The following TP63 variants were observed in gnomAD, a reference collection of about 807,000 sequenced individuals.
The protein encoded by TP63 is tumor protein p63, also known as tumor protein 63.
In TP63, 17 loss-of-function variants were observed where a neutral mutation model predicts 82.8. That is an observed-to-expected ratio of 0.21 (90% CI 0.14 to 0.31). TP63 has a LOEUF of 0.31. Among genes scored for constraint, TP63 ranks in the 10% least tolerant of loss-of-function variants. TP63 has a pLI of 1.00. For missense variants in TP63, 648 were observed against 895.3 expected, an observed-to-expected ratio of 0.72 and a Z score of 3.52; for synonymous variants, 330 against 321.7, an observed-to-expected ratio of 1.03 and a Z score of -0.28.
At chr3:189,798,993 G>T (rs1015990930) in intron 3 of TP63, among the ~76,000 whole-genome samples, 8 of 151,948 alleles carry the variant, frequency 5.3e-5, no homozygotes, top group Admixed American at 3.9e-4. Flanking sequence ...GTAGCAATCA[G>T]CAAAGAATTT....
intron 4 of TP63, among the ~76,000 whole-genome samples, chr3:189,835,915 AAATAATAATAATAAT>A (rs71711373): frequency 0.18 from 24,308 of 136,662 alleles, 2,620 homozygotes; most frequent in Non-Finnish European, 0.24. Flanking sequence ...CTCCATCTCA[AAATAATAATAATAAT>A]AATAATAATA....
intron 1 of TP63, among the ~76,000 whole-genome samples, chr3:189,686,298 C>T (rs1458126507): frequency 6.6e-6 from 1 of 152,096 alleles, no homozygotes; most frequent in Non-Finnish European, 1.5e-5. Flanking sequence ...TGCAGTTTCT[C>T]CTCCTTCATA....
chr3:189,673,535 CAAAT>C (rs1253758349), intron 1 of TP63, among the ~76,000 whole-genome samples: 5 of 151,952 alleles, frequency 3.3e-5, no homozygotes, highest in Non-Finnish European at 5.9e-5. Context: ...TAAATACAAA[CAAAT>C]GAATTTTATT....
intron 1 of TP63, among the ~76,000 whole-genome samples, chr3:189,715,946 T>A (rs1290812310): frequency 6.6e-6 from 1 of 152,186 alleles, no homozygotes; most frequent in Non-Finnish European, 1.5e-5. Context: ...TTCAACCACT[T>A]TAGCTTAGAT....
chr3:189,614,332 G>T, the TP63 span, among the ~76,000 whole-genome samples: 1 of 152,100 alleles, frequency 6.6e-6, no homozygotes, highest in African/African-American at 2.4e-5. Flanking sequence ...TTCTCTTGCT[G>T]CCACCATGTA....
intron 1 of TP63, among the ~76,000 whole-genome samples, chr3:189,703,427 A>AATAG (rs58784734): frequency 0.026 from 3,720 of 143,220 alleles, 70 homozygotes; most frequent in South Asian, 0.057. Flanking sequence ...CCCTGTCTAA[A>AATAG]ATAGATAGAT....
Position 189,844,233 on chromosome 3 carries a change from A to G in TP63, c.580-19999A>G, listed in dbSNP as rs144456775. ...GTCTCCCAGGCTGGAGTGCAATGGC[A>G]TGATCTCAGCTCACTGCAACCTCCA... On this transcript the variant is annotated intron_variant, in intron 4 of 13. Transcript: ENST00000264731. The G allele has an allele frequency of 7.0e-3, 2,870 of 410,958 alleles. 87 individuals are homozygous for G. The highest frequency in any genetic ancestry group is 0.056 in the African/African-American group (2,656 of 47,692). The allele number at this position is 410,958 out of a possible 1,614,324, so 25.5% of individuals were successfully genotyped here. A position where few individuals can be genotyped will look rare whatever the true frequency, so the allele number is the denominator to read the frequency against.
intron 4 of TP63, among the ~76,000 whole-genome samples, chr3:189,825,638 T>C (rs1233425391): frequency 2.0e-5 from 3 of 152,206 alleles, no homozygotes; most frequent in African/African-American, 7.2e-5. Context: ...TTAAACAACA[T>C]GATTTTTAAT....
At chr3:189,853,037 A>G (rs1318579364) in intron 4 of TP63, among the ~76,000 whole-genome samples, 1 of 152,176 alleles carries the variant, frequency 6.6e-6, no homozygotes, top group Admixed American at 6.5e-5. Flanking sequence ...CACTACCTCT[A>G]TGAAAATTGT....
chr3:189,763,099 C>T lies in TP63; in HGVS notation c.324+24325C>T, dbSNP rs71308976. 4.3e-3 allele frequency among the ~76,000 whole-genome samples: 655 copies of T among 152,140 alleles called. 1 individual carries two copies. The highest frequency in any genetic ancestry group is 6.3e-3 in the Non-Finnish European group (427 of 67,986). ...CAGCCAGGGTAACCTAGTGAGACCC[C>T]TGTCTCTATAAACAAAATTTAAAAA... is the stretch of plus-strand genomic sequence containing the variant. On this transcript the variant is annotated intron_variant, in intron 3 of 13. Coordinates refer to ENST00000264731, the MANE Select transcript of TP63 (RefSeq NM_003722.5).
At chr3:189,718,887 A>G (rs1218849105) in intron 1 of TP63, among the ~76,000 whole-genome samples, 2 of 152,196 alleles carry the variant, frequency 1.3e-5, no homozygotes, top group Non-Finnish European at 1.5e-5. Flanking sequence ...CAAAAAAACA[A>G]TGTAGCCTAT....
chr3:189,650,942 A>G (rs1440187607), intron 1 of TP63, among the ~76,000 whole-genome samples: 1 of 147,040 alleles, frequency 6.8e-6, no homozygotes, highest in Non-Finnish European at 1.5e-5. Flanking sequence ...AAGGTTTGGA[A>G]CTTTCTGGAG....
chr3:189,890,738 G>A, intron 12 of TP63, 51 bp from the exon 13 acceptor site: 1 of 1,564,200 alleles, frequency 6.4e-7, no homozygotes, highest in Non-Finnish European at 8.8e-7. Flanking sequence ...TGCAGTTGGG[G>A]TGAACTTTCT....
At chr3:189,636,314 C>T (rs549383817) in intron 1 of TP63, among the ~76,000 whole-genome samples, 1 of 152,090 alleles carries the variant, frequency 6.6e-6, no homozygotes, top group Non-Finnish European at 1.5e-5. Context: ...GTAAACTCCA[C>T]CACTAAGTGA....
rs140053775 is a variant in TP63, at chr3:189,715,700, A to G, written c.63-22040A>G. On this transcript the variant is annotated intron_variant, in intron 1 of 13. Coordinates refer to ENST00000264731, the MANE Select transcript of TP63 (RefSeq NM_003722.5). ...AGCTAGCCATGTGAAGAATTTGGATACTGTACATAAACCACAATGAATCTT... is the reference window on the plus strand; with the variant it reads ...AGCTAGCCATGTGAAGAATTTGGATGCTGTACATAAACCACAATGAATCTT... Among the ~76,000 whole-genome samples the G allele has an allele frequency of 2.7e-4, 41 of 152,358 alleles. No homozygotes were observed. In the East Asian group the frequency reaches 7.3e-3, roughly 27 times the overall value.
chr3:189,608,039 TAAC>T, the TP63 span, among the ~76,000 whole-genome samples: 878 of 152,296 alleles, frequency 5.8e-3, 9 homozygotes, highest in African/African-American at 0.02. Context: ...AGATCTCTGA[TAAC>T]AACTAATTCA....
chr3:189,708,510 A>G (rs1036190936), intron 1 of TP63, among the ~76,000 whole-genome samples: 1 of 152,092 alleles, frequency 6.6e-6, no homozygotes, highest in Non-Finnish European at 1.5e-5. Context: ...TCTGAGGAAA[A>G]CCTCAAATGA....
At chr3:189,778,779 G>A (rs1021944045) in intron 3 of TP63, among the ~76,000 whole-genome samples, 1 of 152,006 alleles carries the variant, frequency 6.6e-6, no homozygotes, top group Non-Finnish European at 1.5e-5. Flanking sequence ...TTATCAACTC[G>A]GCCCTTTAAC....
intron 1 of TP63, among the ~76,000 whole-genome samples, chr3:189,667,756 CAAG>C (rs1190717584): frequency 6.6e-6 from 1 of 152,084 alleles, no homozygotes; most frequent in Non-Finnish European, 1.5e-5. Flanking sequence ...ACTGAGACAT[CAAG>C]AAGTTCATTC....
Sources: gnomAD v4.1 joint callset for allele counts (sites outside exome capture counted in the v4.1 genomes callset) on GRCh38, gnomAD v4.1.1 for gene constraint, MANE v1.5 for transcripts, NCBI Gene and HGNC (gene_info 2026-07-23, HGNC 2026-07-21) for gene names.